The following MAPK6 variants were observed in gnomAD, a reference collection of about 807,000 sequenced individuals.
MAPK6 encodes the protein mitogen-activated protein kinase 6.
MAPK6 carries 19 observed loss-of-function variants against 59.3 expected under a neutral mutation model. The observed-to-expected ratio is 0.32, with a 90% CI of 0.22 to 0.47. MAPK6 has a LOEUF of 0.47. Ranked by LOEUF, MAPK6 falls within the 20% of genes least tolerant of loss-of-function variation. MAPK6 has a pLI of 1.00. For synonymous variants in MAPK6, 316 were observed against 290.3 expected, an observed-to-expected ratio of 1.09 and a Z score of -0.90; for missense variants, 724 against 847.9, an observed-to-expected ratio of 0.85 and a Z score of 1.81.
chr15:52,053,060 T>G (rs116644188), intron 3 of MAPK6, among the ~76,000 whole-genome samples: 2,510 of 150,904 alleles, frequency 0.017, 33 homozygotes, highest in African/African-American at 0.035. Context: ...TGAAGTAGTA[T>G]CTCATTGTGG....
intron 1 of MAPK6, among the ~76,000 whole-genome samples, chr15:52,026,029 G>C (rs1421672124): frequency 6.6e-6 from 1 of 152,164 alleles, no homozygotes; most frequent in African/African-American, 2.4e-5. Flanking sequence ...TGATACATCT[G>C]TGTTCAATAA....
chr15:51,983,149 C>T (rs2141808482), intron 1 of MAPK6, among the ~76,000 whole-genome samples: 1 of 152,228 alleles, frequency 6.6e-6, no homozygotes, highest in South Asian at 2.1e-4. Flanking sequence ...AAAAATATCC[C>T]AGGGTCATAA....
At chr15:51,981,957 A>G (rs1400778189) in intron 1 of MAPK6, among the ~76,000 whole-genome samples, 1 of 152,224 alleles carries the variant, frequency 6.6e-6, no homozygotes, top group Admixed American at 6.6e-5. Flanking sequence ...ACAGAAGGGG[A>G]TGGAAAAATA....
At chr15:52,030,751 C>T (rs536027504) in intron 1 of MAPK6, among the ~76,000 whole-genome samples, 4 of 149,910 alleles carry the variant, frequency 2.7e-5, no homozygotes, top group Admixed American at 6.7e-5. Context: ...CTCAGCCTCC[C>T]GAGTAGCTGG....
intron 3 of MAPK6, among the ~76,000 whole-genome samples, chr15:52,008,583 C>T (rs913928237): frequency 1.3e-5 from 2 of 152,188 alleles, no homozygotes; most frequent in African/African-American, 2.4e-5. Flanking sequence ...CCTCTGCTCA[C>T]CTGCGTGCTC....
chr15:52,044,926 CT>C (rs80337297), intron 1 of MAPK6, among the ~76,000 whole-genome samples: 8,183 of 130,658 alleles, frequency 0.063, 151 homozygotes, highest in Non-Finnish European at 0.085. Context: ...TTTTTTTTTC[CT>C]TTTTTTTTTT....
chr15:52,028,346 C>G (rs1049842369), intron 1 of MAPK6, among the ~76,000 whole-genome samples: 8 of 152,096 alleles, frequency 5.3e-5, no homozygotes, highest in Non-Finnish European at 4.4e-5. Context: ...CTTGGCCTCC[C>G]AAAGTGCTGG....
intron 1 of MAPK6, among the ~76,000 whole-genome samples, 189 bp from the exon 2 acceptor site, chr15:52,045,641 G>A (rs568506777): frequency 6.6e-6 from 1 of 152,182 alleles, no homozygotes; most frequent in Non-Finnish European, 1.5e-5. Flanking sequence ...GGGCCAACGT[G>A]TGTGAATTGC....
chr15:52,048,925 A>C (rs2031685471), intron 2 of MAPK6, among the ~76,000 whole-genome samples: 1 of 152,066 alleles, frequency 6.6e-6, no homozygotes, highest in Non-Finnish European at 1.5e-5. Flanking sequence ...CACTGTATCC[A>C]CAGTGAAGTA....
intron 3 of MAPK6, among the ~76,000 whole-genome samples, chr15:52,004,861 G>A (rs1275336345): frequency 1.3e-5 from 2 of 152,054 alleles, no homozygotes; most frequent in Non-Finnish European, 2.9e-5. Flanking sequence ...CGCTTTTTGG[G>A]GAACACGTTC....
At chr15:52,013,584 A>G (rs1417554648) in intron 3 of MAPK6, among the ~76,000 whole-genome samples, 2 of 152,188 alleles carry the variant, frequency 1.3e-5, no homozygotes, top group African/African-American at 4.8e-5. Flanking sequence ...ACTTTACCCA[A>G]TAATCTTTCT....
At chr15:52,024,878 CTTTTTTTTT>C (rs35983896) in intron 1 of MAPK6, among the ~76,000 whole-genome samples, 7 of 84,162 alleles carry the variant, frequency 8.3e-5, no homozygotes, top group East Asian at 8.1e-4. Flanking sequence ...CATACACTGC[CTTTTTTTTT>C]TTTTTTTTTT....
At chr15:51,978,327 T>C (rs2057162977) in intron 1 of MAPK6, among the ~76,000 whole-genome samples, 1 of 151,538 alleles carries the variant, frequency 6.6e-6, no homozygotes, top group Admixed American at 6.6e-5. Context: ...AGAGACAGGG[T>C]TTTGGGATGT....
At chr15:52,010,745 C>A (rs981542051) in intron 3 of MAPK6, among the ~76,000 whole-genome samples, 6 of 152,140 alleles carry the variant, frequency 3.9e-5, no homozygotes, top group African/African-American at 1.2e-4. Context: ...TCTCAAACTC[C>A]TGACCTCAAG....
rs188561692 is a variant in MAPK6 at position 51,976,618 on chromosome 15, C to G, written c.-880+4712C>G. The stretch of plus-strand genomic sequence containing the variant: ...AATGTTGTCAGATTTCTAAACAATT[C>G]TGAGAGTTAGAACTATGTGGAATTG... On this transcript the variant is annotated intron_variant, in intron 1 of 7. Coordinates refer to the MAPK6 transcript ENST00000691380. Among the ~76,000 whole-genome samples the G allele has an allele frequency of 1.3e-3, 198 of 151,878 alleles. 14 individuals carry two copies. Among genetic ancestry groups the G allele is most frequent in the East Asian group, 9.5e-3 (49 of 5,160 alleles).
At chr15:51,995,558 C>A (rs544696165) in intron 2 of MAPK6, among the ~76,000 whole-genome samples, 1 of 152,286 alleles carries the variant, frequency 6.6e-6, no homozygotes, top group South Asian at 2.1e-4. Context: ...CCTGGGGAAA[C>A]TTTGAAAAGG....
chr15:52,043,741 G>GTTTTTTT (rs2031503189), intron 1 of MAPK6, among the ~76,000 whole-genome samples: 1 of 55,664 alleles, frequency 1.8e-5, no homozygotes, highest in Non-Finnish European at 4.0e-5. Flanking sequence ...TAAGTTGTTT[G>GTTTTTTT]ATTTTTTTTT....
chr15:52,037,541 G>T (rs556474215), intron 1 of MAPK6, among the ~76,000 whole-genome samples: 1 of 152,168 alleles, frequency 6.6e-6, no homozygotes, highest in Non-Finnish European at 1.5e-5. Flanking sequence ...CAGTGGCACA[G>T]TCCCTCCCCA....
At chr15:52,030,778 C>A (rs1207368210) in intron 1 of MAPK6, among the ~76,000 whole-genome samples, 1 of 151,204 alleles carries the variant, frequency 6.6e-6, no homozygotes, top group Non-Finnish European at 1.5e-5. Flanking sequence ...AGGCGTGTGC[C>A]ACCATGCCCA....
Sources: gnomAD v4.1 joint callset for allele counts (sites outside exome capture counted in the v4.1 genomes callset) on GRCh38, gnomAD v4.1.1 for gene constraint, MANE v1.5 for transcripts, NCBI Gene and HGNC (gene_info 2026-07-23, HGNC 2026-07-21) for gene names.